ENOX1: variants seen among roughly 807,000 people sequenced by gnomAD.
ENOX1 encodes the protein candidate growth-related and time keeping constitutive hydroquinone (NADH) oxidase.
Under a neutral mutation model 82.5 loss-of-function variants are expected in ENOX1, and 42 were observed. The observed-to-expected ratio is 0.51, with a 90% confidence interval of 0.40 to 0.66. The LOEUF (loss-of-function observed/expected upper bound fraction) is 0.66. Ranked by LOEUF, ENOX1 falls within the 30% of genes least tolerant of loss-of-function variation. ENOX1 has a pLI of 0.00. For missense variants in ENOX1, 608 were observed against 811.6 expected (o/e 0.75, Z 3.05); for synonymous variants, 271 against 282.2 (o/e 0.96, Z 0.40).
chr13:43,416,358 C>T (rs796386891), intron 3 of ENOX1, among the ~76,000 whole-genome samples: 16 of 137,926 alleles, frequency 1.2e-4, no homozygotes, highest in Middle Eastern at 4.2e-3. Context: ...ATGGGGCGGC[C>T]GGACAGAAGC....
chr13:43,431,322 C>G (rs2055647623), intron 3 of ENOX1, among the ~76,000 whole-genome samples: 1 of 152,118 alleles, frequency 6.6e-6, no homozygotes, highest in African/African-American at 2.4e-5. Flanking sequence ...CAAGTGTGAT[C>G]TTCTCTTAGT....
At chr13:43,456,100 T>A (rs546799958) in intron 3 of ENOX1, among the ~76,000 whole-genome samples, 32 of 152,266 alleles carry the variant, frequency 2.1e-4, no homozygotes, top group African/African-American at 7.7e-4. Context: ...TTTCTAATTG[T>A]TCCTGTTCTA....
intron 2 of ENOX1, among the ~76,000 whole-genome samples, chr13:43,605,026 A>G (rs2081914729): frequency 6.6e-6 from 1 of 152,220 alleles, no homozygotes; most frequent in Non-Finnish European, 1.5e-5. Context: ...CTACAGATAA[A>G]ATGAAATCCA....
intron 2 of ENOX1, among the ~76,000 whole-genome samples, chr13:43,601,844 G>C (rs909919845): frequency 6.6e-6 from 1 of 152,114 alleles, no homozygotes; most frequent in African/African-American, 2.4e-5. Flanking sequence ...CAATACGTCT[G>C]CTGGCAAACT....
At chr13:43,541,438 C>A (rs556042243) in intron 2 of ENOX1, among the ~76,000 whole-genome samples, 2 of 152,102 alleles carry the variant, frequency 1.3e-5, no homozygotes, top group South Asian at 4.2e-4. Flanking sequence ...CAATTCGAGG[C>A]TGCAGTGAGC....
At chr13:43,414,643 C>T (rs1334302610) in intron 3 of ENOX1, among the ~76,000 whole-genome samples, 4 of 152,216 alleles carry the variant, frequency 2.6e-5, no homozygotes, top group African/African-American at 9.6e-5. Context: ...AGTAGCAAGG[C>T]AGAGTCAGGC....
intron 9 of ENOX1, among the ~76,000 whole-genome samples, chr13:43,343,567 T>A (rs2049190663): frequency 6.6e-6 from 1 of 152,206 alleles, no homozygotes; most frequent in Admixed American, 6.5e-5. Context: ...AAGATCTCAG[T>A]TTTGCCCTCT....
chr13:43,355,859 C>T, intron 8 of ENOX1, 60 bp downstream of exon 8: 1 of 1,510,306 alleles, frequency 6.6e-7, no homozygotes, highest in South Asian at 1.2e-5. Context: ...GAGAAACGCA[C>T]AGGGTTCCGT....
intron 12 of ENOX1, among the ~76,000 whole-genome samples, chr13:43,296,143 T>C (rs1419604942): frequency 1.3e-5 from 2 of 152,214 alleles, no homozygotes; most frequent in African/African-American, 2.4e-5. Context: ...ATGGATTGAA[T>C]TGTGCCCTGC....
intron 14 of ENOX1, among the ~76,000 whole-genome samples, chr13:43,248,107 G>A (rs1015607294): frequency 6.6e-6 from 1 of 150,434 alleles, no homozygotes; most frequent in South Asian, 2.1e-4. Context: ...GGATGGTCTC[G>A]ATCTCCTGAC....
intron 13 of ENOX1, among the ~76,000 whole-genome samples, chr13:43,267,591 A>G (rs936152519): frequency 2.0e-5 from 3 of 152,208 alleles, no homozygotes; most frequent in Admixed American, 6.5e-5. Context: ...CTGTTTACGC[A>G]TAGAGTTACT....
chr13:43,725,802 C>CAA (rs753589184), intron 1 of ENOX1, among the ~76,000 whole-genome samples: 32 of 97,376 alleles, frequency 3.3e-4, no homozygotes, highest in African/African-American at 1.0e-3. Context: ...CTCGTCTCTA[C>CAA]AAAAAAAAAA....
chr13:43,376,817 A>G (rs894009942), intron 5 of ENOX1, among the ~76,000 whole-genome samples: 2 of 152,176 alleles, frequency 1.3e-5, no homozygotes, highest in African/African-American at 4.8e-5. Context: ...GCAGAGAGAT[A>G]TGAGTTGGGA....
intron 2 of ENOX1, among the ~76,000 whole-genome samples, chr13:43,606,722 C>G (rs116493645): frequency 6.6e-6 from 1 of 152,014 alleles, no homozygotes; most frequent in African/African-American, 2.4e-5. Context: ...TGAATAAGAT[C>G]TAGTATTTGA....
rs544591325 is a variant in ENOX1 at position 43,635,301 on chromosome 13, G to GT, written c.-219+32177dup. Among the ~76,000 whole-genome samples, 73 of 152,248 alleles carry GT rather than the reference G, an allele frequency of 4.8e-4. 1 individual carries two copies. Among genetic ancestry groups the GT allele is most frequent in the African/African-American group, 1.6e-3 (67 of 41,546 alleles). On this transcript the variant is annotated intron_variant, in intron 2 of 16. Coordinates refer to ENST00000690772, the MANE Select transcript of ENOX1 (RefSeq NM_001347969.2). ...TATTCAGACTTAAAACCGGGATTTG[G>GT]TGCCACCAGAAGAGAGTAGGTAAGC...
intron 5 of ENOX1, among the ~76,000 whole-genome samples, chr13:43,381,668 G>A (rs2052058606): frequency 6.6e-6 from 1 of 151,598 alleles, no homozygotes; most frequent in African/African-American, 2.4e-5. Context: ...GATACAAACT[G>A]CTAATATTAG....
intron 2 of ENOX1, among the ~76,000 whole-genome samples, chr13:43,533,311 G>GT (rs1438607063): frequency 3.9e-5 from 6 of 152,168 alleles, no homozygotes; most frequent in Non-Finnish European, 8.8e-5. Context: ...CTCCTGCTGA[G>GT]TTTTTTTCTC....
chr13:43,655,385 T>C (rs896247604), intron 2 of ENOX1, among the ~76,000 whole-genome samples: 3 of 152,132 alleles, frequency 2.0e-5, no homozygotes, highest in Admixed American at 2.0e-4. Flanking sequence ...AATATGGAAG[T>C]TGTTCTCCAA....
At chr13:43,437,375 C>G (rs1012548089) in intron 3 of ENOX1, among the ~76,000 whole-genome samples, 1 of 152,188 alleles carries the variant, frequency 6.6e-6, no homozygotes, top group Non-Finnish European at 1.5e-5. Context: ...AATCCTGCAA[C>G]CAACATAATA....
Sources: gnomAD v4.1 joint callset for allele counts (sites outside exome capture counted in the v4.1 genomes callset) on GRCh38, gnomAD v4.1.1 for gene constraint, MANE v1.5 for transcripts, NCBI Gene and HGNC (gene_info 2026-07-23, HGNC 2026-07-21) for gene names.